The following ASMTL variants were observed in gnomAD, a reference collection of about 807,000 sequenced individuals.
The protein encoded by ASMTL is probable bifunctional dTTP/UTP pyrophosphatase/methyltransferase protein.
Under a neutral mutation model 60.3 loss-of-function variants are expected in ASMTL, and 57 were observed. That is an observed-to-expected ratio of 0.95 (90% confidence interval 0.76 to 1.18). The LOEUF is 1.18. Ranked by LOEUF, ASMTL falls within the 50% of genes most tolerant of loss-of-function variation. ASMTL has a pLI of 0.00. For missense variants in ASMTL, 981 were observed against 852.6 expected, an observed-to-expected ratio of 1.15 and a Z score of -1.88; for synonymous variants, 419 against 373.0, an observed-to-expected ratio of 1.12 and a Z score of -1.42.
Position 1,419,095 on chromosome X carries a change from G to A in ASMTL, c.1265C>T (p.Pro422Leu), listed in dbSNP as rs770380039. 1.4e-5 allele frequency: 23 copies of A among 1,611,126 alleles called. No homozygotes were observed. Among genetic ancestry groups the A allele is most frequent in the South Asian group, 2.2e-5 (2 of 90,824 alleles). ...CCGCATGAACCTCAGCCGCGTCTCC[G>A]GGCTCTGGTAGTACGCATCCTGGAA... The part of the protein sequence containing the change: ...DLFQDAYYQS[P>L]ETRLRFMRAM... Residue 422 changes from proline to leucine, a missense_variant, in exon 10 of 13, where the codon CCG becomes CTG. Pro to Leu is a moderately conservative substitution (Grantham distance 98). Transcript: ENST00000381317.
In ASMTL at chrX:1,452,863, C is replaced by A. The variant is rs766193145; in HGVS notation, c.-23G>T. 10 of 1,536,756 alleles carry A rather than the reference C, an allele frequency of 6.5e-6. No individual in the cohort carries two copies. Among genetic ancestry groups the A allele is most frequent in the Non-Finnish European group, 6.1e-6 (7 of 1,147,756 alleles). On this transcript the variant is annotated 5_prime_UTR_variant, in exon 1 of 13. Coordinates refer to ENST00000381317, the MANE Select transcript of ASMTL (RefSeq NM_004192.4). ...CATGGCGTCCACGCCGGGAGCCGGG[C>A]GTCCGCACTTCTGAGCCCGGAGCCC...
intron 11 of ASMTL, among the ~76,000 whole-genome samples, chrX:1,415,424 C>T (rs1351771357): frequency 3.3e-4 from 50 of 152,058 alleles, no homozygotes; most frequent in African/African-American, 1.2e-3. Flanking sequence ...TAACTTCACA[C>T]AGTCGTCCAC....
chrX:1,412,959 A>G (rs1301024631), intron 11 of ASMTL, 105 bp from the exon 12 acceptor site: 2 of 660,168 alleles, frequency 3.0e-6, no homozygotes, highest in Admixed American at 3.5e-5. Flanking sequence ...GGGACAGAGA[A>G]GAGAGGGGTG....
At chrX:1,429,110 G>A (rs1267309252) in intron 6 of ASMTL, among the ~76,000 whole-genome samples, 1 of 151,660 alleles carries the variant, frequency 6.6e-6, no homozygotes, top group Non-Finnish European at 1.5e-5. Flanking sequence ...GGCCACGATG[G>A]TCTCGAACTC....
chrX:1,424,607 T>G (rs1422045221), intron 8 of ASMTL, among the ~76,000 whole-genome samples: 1 of 148,328 alleles, frequency 6.7e-6, no homozygotes, highest in Non-Finnish European at 1.5e-5. Context: ...CACCCACTTA[T>G]CCATCCACCC....
intron 2 of ASMTL, chrX:1,441,877 G>A (rs1186075603): frequency 2.9e-6 from 1 of 341,480 alleles, no homozygotes; most frequent in African/African-American, 2.1e-5. Context: ...TGTATCAATT[G>A]CGAGAAATTA....
chrX:1,430,551 G>T (rs1288493508), intron 6 of ASMTL, among the ~76,000 whole-genome samples: 1 of 151,858 alleles, frequency 6.6e-6, no homozygotes, highest in Admixed American at 6.6e-5. Context: ...TGGAAGGATC[G>T]CCTGAGCCCA....
intron 1 of ASMTL, among the ~76,000 whole-genome samples, chrX:1,444,820 A>G (rs779884839): frequency 2.6e-5 from 4 of 151,576 alleles, no homozygotes; most frequent in African/African-American, 9.7e-5. Flanking sequence ...CTCTCCATTC[A>G]CCTTCCAAGC....
At chrX:1,431,472 A>G (rs2090786546) in intron 6 of ASMTL, among the ~76,000 whole-genome samples, 1 of 134,462 alleles carries the variant, frequency 7.4e-6, no homozygotes, top group Non-Finnish European at 1.6e-5. Flanking sequence ...GATGGTATAT[A>G]TTACATTAAT....
intron 5 of ASMTL, among the ~76,000 whole-genome samples, chrX:1,432,709 G>A (rs28619926): frequency 0.015 from 836 of 57,412 alleles, 2 homozygotes; most frequent in Non-Finnish European, 0.022. Context: ...GGTGCCTGTA[G>A]TCCCAGCTAC....
At position 1,413,354 on chromosome X, in the gene ASMTL, G is replaced by C. The variant is rs2090110378; in HGVS notation, c.1523-500C>G. Among the ~76,000 whole-genome samples the C allele has an allele frequency of 2.0e-5, 3 of 148,324 alleles. No homozygotes were observed. In the South Asian group the frequency reaches 6.6e-4, roughly 33 times the overall value. The stretch of plus-strand genomic sequence containing the variant: ...TCCAGCCTGGGCGACAAGAAGGCAA[G>C]GGAGGAAAAAAGCAGGGAATTCAGG... On this transcript the variant is annotated intron_variant, in intron 11 of 12. Coordinates refer to ENST00000381317, the MANE Select transcript of ASMTL (RefSeq NM_004192.4).
intron 1 of ASMTL, among the ~76,000 whole-genome samples, chrX:1,443,140 C>CACCGCTGTCGTGGACACAT (rs1373341125): frequency 1.4e-5 from 2 of 139,512 alleles, no homozygotes; most frequent in Admixed American, 7.0e-5. Flanking sequence ...CGTGGACACA[C>CACCGCTGTCGTGGACACAT]GCCGCCATCT....
intron 6 of ASMTL, 178 bp from the exon 7 acceptor site, chrX:1,428,299 G>T (rs1452467746): frequency 2.7e-5 from 8 of 296,750 alleles, no homozygotes; most frequent in Admixed American, 7.0e-5. Flanking sequence ...AGCCAGGCGT[G>T]GGGGCAGGCG....
chrX:1,445,465 T>C (rs1396632644), intron 1 of ASMTL, among the ~76,000 whole-genome samples: 1 of 152,102 alleles, frequency 6.6e-6, no homozygotes, highest in African/African-American at 2.4e-5. Context: ...ACAAACTACA[T>C]AATGACAGCA....
chrX:1,416,801 TGCAC>T (rs2090294774), intron 11 of ASMTL, among the ~76,000 whole-genome samples: 1 of 139,214 alleles, frequency 7.2e-6, no homozygotes, highest in African/African-American at 2.7e-5. Context: ...AGCAGTGACA[TGCAC>T]ACACACCATG....
At chrX:1,417,280 C>A (rs1433655579) in intron 11 of ASMTL, among the ~76,000 whole-genome samples, 1 of 141,176 alleles carries the variant, frequency 7.1e-6, no homozygotes, top group African/African-American at 2.6e-5. Context: ...AGCATACACA[C>A]AAATGCAGAC....
chrX:1,418,186 A>G, intron 10 of ASMTL, 70 bp from the exon 11 acceptor site: 2 of 1,495,256 alleles, frequency 1.3e-6, no homozygotes, highest in South Asian at 2.6e-5. Context: ...CCAAAGCTCA[A>G]CTGGGGCAGA....
intron 8 of ASMTL, among the ~76,000 whole-genome samples, chrX:1,423,873 C>A (rs1426833318): frequency 2.0e-5 from 3 of 151,450 alleles, no homozygotes; most frequent in Non-Finnish European, 4.4e-5. Flanking sequence ...TCCACATGCC[C>A]ACTCATCCAT....
intron 6 of ASMTL, among the ~76,000 whole-genome samples, chrX:1,430,581 G>A (rs1569533570): frequency 6.6e-6 from 1 of 151,742 alleles, no homozygotes; most frequent in Non-Finnish European, 1.5e-5. Flanking sequence ...GACCAGCCTG[G>A]GCAACATAGT....
Sources: gnomAD v4.1 joint callset for allele counts (sites outside exome capture counted in the v4.1 genomes callset) on GRCh38, gnomAD v4.1.1 for gene constraint, MANE v1.5 for transcripts, NCBI Gene and HGNC (gene_info 2026-07-23, HGNC 2026-07-21) for gene names.